ZNF644: variants seen among roughly 807,000 people sequenced by gnomAD.
ZNF644 encodes the protein zinc finger protein 644, also known as zinc finger motif enhancer binding protein 2.
ZNF644 carries 20 observed loss-of-function variants against 108.0 expected under a neutral mutation model. The ratio of observed to expected loss-of-function variants is 0.19; its 90% confidence interval spans 0.13 to 0.27. The LOEUF (loss-of-function observed/expected upper bound fraction) is 0.27, where lower values mean the gene tolerates loss of function less well. ZNF644 is among the 10% of genes least tolerant of loss of function. ZNF644 has a pLI of 1.00. For synonymous variants in ZNF644, 542 were observed against 539.1 expected, an observed-to-expected ratio of 1.01 and a Z score of -0.08; for missense variants, 1,338 against 1,548.9, an observed-to-expected ratio of 0.86 and a Z score of 2.29.
At chr1:90,970,062 G>T (rs140135284) in intron 2 of ZNF644, among the ~76,000 whole-genome samples, 1 of 152,332 alleles carries the variant, frequency 6.6e-6, no homozygotes, top group Non-Finnish European at 1.5e-5. Flanking sequence ...GATGTGAGCA[G>T]AATACCAGTT....
chr1:91,008,679 C>A (rs1432084332), intron 1 of ZNF644, among the ~76,000 whole-genome samples: 5 of 152,156 alleles, frequency 3.3e-5, no homozygotes, highest in East Asian at 1.9e-4. Flanking sequence ...TAGGGAGCAA[C>A]CCACTGTATT....
intron 4 of ZNF644, among the ~76,000 whole-genome samples, chr1:90,933,037 C>T (rs1446027445): frequency 6.6e-6 from 1 of 152,182 alleles, no homozygotes; most frequent in East Asian, 1.9e-4. Context: ...AGTCATCCTA[C>T]ATTACTTTTC....
intron 2 of ZNF644, among the ~76,000 whole-genome samples, chr1:90,974,909 T>A (rs1422354669): frequency 4.6e-5 from 7 of 152,152 alleles, no homozygotes; most frequent in Admixed American, 3.3e-4. Flanking sequence ...ACTCCCCACA[T>A]CCACACCCCA....
chr1:90,916,052 T>G lies in ZNF644; in HGVS notation c.*746A>C, dbSNP rs942799684. 6.6e-6 allele frequency: 1 copy of G among 152,556 alleles called. No homozygotes were observed. Among genetic ancestry groups the G allele is most frequent in the East Asian group, 1.9e-4 (1 of 5,200 alleles). The allele number at this position is 152,556 out of a possible 1,614,324, so 9.5% of individuals were successfully genotyped here. A position where few individuals can be genotyped will look rare whatever the true frequency, so the allele number is the denominator to read the frequency against. Reference sequence around the variant, plus strand: ...ATGATACAAAAATGTAAAGGGTAAATAGCATCTTTGTTGACAAAGTAGGAG... The same window carrying G: ...ATGATACAAAAATGTAAAGGGTAAAGAGCATCTTTGTTGACAAAGTAGGAG... On this transcript the variant is annotated 3_prime_UTR_variant, in exon 6 of 6. Transcript: ENST00000337393.
intron 2 of ZNF644, among the ~76,000 whole-genome samples, chr1:90,979,355 C>A (rs1421202102): frequency 1.3e-5 from 2 of 152,076 alleles, no homozygotes; most frequent in Non-Finnish European, 2.9e-5. Context: ...TGCCTGTAAT[C>A]CCAGCTACTT....
At chr1:90,962,508 A>C (rs1327168151) in intron 2 of ZNF644, among the ~76,000 whole-genome samples, 2 of 152,130 alleles carry the variant, frequency 1.3e-5, no homozygotes, top group Non-Finnish European at 2.9e-5. Context: ...TCTAGATAGA[A>C]GGTAGATCTA....
chr1:90,972,269 T>C (rs112266180), intron 2 of ZNF644, among the ~76,000 whole-genome samples: 10 of 152,252 alleles, frequency 6.6e-5, no homozygotes, highest in African/African-American at 2.4e-4. Context: ...ATCTAGAACA[T>C]ATACAGAACT....
intron 1 of ZNF644, among the ~76,000 whole-genome samples, chr1:91,006,099 C>A (rs1040971163): frequency 1.3e-5 from 2 of 152,172 alleles, no homozygotes; most frequent in Non-Finnish European, 2.9e-5. Flanking sequence ...TATAAAAGAA[C>A]ACTATGCAAC....
At chr1:91,002,442 T>C (rs1399577476) in intron 1 of ZNF644, among the ~76,000 whole-genome samples, 1 of 152,204 alleles carries the variant, frequency 6.6e-6, no homozygotes, top group Non-Finnish European at 1.5e-5. Context: ...GATTCCCTAT[T>C]TAACAAATGG....
At chr1:90,999,406 G>T (rs1479463566) in intron 1 of ZNF644, among the ~76,000 whole-genome samples, 1 of 152,136 alleles carries the variant, frequency 6.6e-6, no homozygotes, top group Admixed American at 6.5e-5. Flanking sequence ...TTAACAAAAA[G>T]AATTTTCAAC....
chr1:90,945,282 T>C (rs141130311), intron 2 of ZNF644, among the ~76,000 whole-genome samples: 13 of 151,852 alleles, frequency 8.6e-5, no homozygotes, highest in African/African-American at 3.1e-4. Context: ...AACCATAGAA[T>C]TTTTCTTTTA....
intron 2 of ZNF644, among the ~76,000 whole-genome samples, chr1:90,952,540 A>C (rs1653280108): frequency 6.6e-6 from 1 of 152,196 alleles, no homozygotes; most frequent in Middle Eastern, 3.2e-3. Flanking sequence ...GAAGCTTCCA[A>C]CAGAAACAGA....
chr1:90,986,329 C>CAA (rs201499040), intron 1 of ZNF644, among the ~76,000 whole-genome samples: 45 of 146,382 alleles, frequency 3.1e-4, no homozygotes, highest in African/African-American at 7.5e-4. Context: ...AAACAAAAAA[C>CAA]AAAAAAAAAA....
At chr1:90,967,531 GT>G (rs1307818364) in intron 2 of ZNF644, among the ~76,000 whole-genome samples, 2 of 152,092 alleles carry the variant, frequency 1.3e-5, no homozygotes, top group African/African-American at 4.8e-5. Flanking sequence ...CATATGCTGT[GT>G]TGAACAACTA....
intron 1 of ZNF644, among the ~76,000 whole-genome samples, chr1:90,987,826 C>A (rs1052213264): frequency 6.6e-6 from 1 of 151,948 alleles, no homozygotes. Flanking sequence ...AAAAGGATTA[C>A]ACATCATGAC....
rs141295821 is a variant in ZNF644 at position 90,968,749 on chromosome 1, G to T, written c.44+13561C>A. ...TACTGTAACTCCCTTTCAGATTTAT[G>T]ATTCTTTTCCTGAATACTTTAAGGA... is the stretch of plus-strand genomic sequence containing the variant. On this transcript the variant is annotated intron_variant, in intron 2 of 5. Transcript: ENST00000337393. Among the ~76,000 whole-genome samples, 942 of 152,134 alleles carry T rather than the reference G, an allele frequency of 6.2e-3. 16 individuals carry two copies. The highest frequency in any genetic ancestry group is 0.034 in the East Asian group (174 of 5,180).
intron 1 of ZNF644, among the ~76,000 whole-genome samples, chr1:91,018,457 T>G (rs1414330723): frequency 6.6e-6 from 1 of 152,250 alleles, no homozygotes; most frequent in East Asian, 1.9e-4. Flanking sequence ...CATTTGAATA[T>G]GTATCCATAG....
intron 2 of ZNF644, among the ~76,000 whole-genome samples, chr1:90,946,849 G>A (rs909724513): frequency 3.3e-5 from 5 of 151,900 alleles, no homozygotes; most frequent in African/African-American, 1.2e-4. Context: ...TGTTCCTGAT[G>A]CCATGTACCA....
At chr1:90,992,431 G>C (rs1278067934) in intron 1 of ZNF644, among the ~76,000 whole-genome samples, 1 of 150,662 alleles carries the variant, frequency 6.6e-6, no homozygotes, top group Non-Finnish European at 1.5e-5. Context: ...AATCACCTTT[G>C]AACAACTGCT....
Sources: allele counts gnomAD v4.1 joint callset (sites outside exome capture counted in the v4.1 genomes callset), GRCh38; gene constraint gnomAD v4.1.1; transcripts MANE v1.5; gene names NCBI Gene and HGNC (gene_info 2026-07-23, HGNC 2026-07-21).